Variants in CGNL1 observed in about 807,000 individuals in gnomAD.
CGNL1 encodes the protein cingulin-like protein 1.
In CGNL1, 132 loss-of-function variants were observed where a neutral mutation model predicts 141.2. That is an observed-to-expected ratio of 0.93 (90% CI 0.81 to 1.08). CGNL1 has a LOEUF of 1.08. Among genes scored for constraint, CGNL1 ranks in the 50% least tolerant of loss-of-function variants. The pLI is 0.00. For synonymous variants in CGNL1, 690 were observed against 622.1 expected, an observed-to-expected ratio of 1.11 and a Z score of -1.63; for missense variants, 1,870 against 1,588.6, an observed-to-expected ratio of 1.18 and a Z score of -3.01.
chr15:57,469,210 G>T (rs143713662), intron 8 of CGNL1, among the ~76,000 whole-genome samples: 8 of 151,980 alleles, frequency 5.3e-5, no homozygotes, highest in Non-Finnish European at 1.2e-4. Context: ...ATGAATTGGG[G>T]TGAGGAGGAA....
rs529619536 is a variant in CGNL1, at chr15:57,405,706, A to G, written c.-16+29139A>G. On this transcript the variant is annotated intron_variant, in intron 1 of 18. Transcript: ENST00000281282. ...AGCCTTTCCCCAGGGCTCTAAGAAG[A>G]TAGAAAAACTCGCAGAAGGTGTGGA... Among the ~76,000 whole-genome samples, 3 of 152,210 alleles carry G rather than the reference A, an allele frequency of 2.0e-5. No individual in the cohort carries two copies. In the South Asian group the frequency reaches 6.2e-4, roughly 32 times the overall value.
At chr15:57,526,757 C>T (rs2031639008) in intron 12 of CGNL1, among the ~76,000 whole-genome samples, 1 of 152,176 alleles carries the variant, frequency 6.6e-6, no homozygotes. Context: ...GCTAGTTAAT[C>T]TCTTCTGCCG....
At chr15:57,539,693 G>T (rs908058250) in intron 14 of CGNL1, among the ~76,000 whole-genome samples, 1 of 152,242 alleles carries the variant, frequency 6.6e-6, no homozygotes, top group Non-Finnish European at 1.5e-5. Context: ...TTTACCGGCA[G>T]TCCTTGCCCT....
Position 57,424,929 on chromosome 15 carries a change from T to C in CGNL1, c.-15-13056T>C, listed in dbSNP as rs188255564. On this transcript the variant is annotated intron_variant, in intron 1 of 18. Transcript: ENST00000281282. ...TTAATGTTGTGAATTGGAATTATATTGGCTTTGTAATTGCATTTGTATTTA... is the reference window on the plus strand; with the variant it reads ...TTAATGTTGTGAATTGGAATTATATCGGCTTTGTAATTGCATTTGTATTTA... Among the ~76,000 whole-genome samples, 566 of 152,370 alleles carry C rather than the reference T, an allele frequency of 3.7e-3. 4 individuals are homozygous for C. The highest frequency in any genetic ancestry group is 6.1e-3 in the Non-Finnish European group (414 of 68,048).
At chr15:57,462,195 T>C (rs1426905075) in intron 8 of CGNL1, among the ~76,000 whole-genome samples, 1 of 152,166 alleles carries the variant, frequency 6.6e-6, no homozygotes, top group Non-Finnish European at 1.5e-5. Context: ...AGGGATGTAC[T>C]CTCCCAGGCG....
chr15:57,483,189 G>C (rs1430710555), intron 8 of CGNL1, among the ~76,000 whole-genome samples: 1 of 152,138 alleles, frequency 6.6e-6, no homozygotes, highest in Non-Finnish European at 1.5e-5. Context: ...TCCAGTCCAT[G>C]AACATGGTCT....
At chr15:57,458,628 A>AC (rs2152330020) in intron 7 of CGNL1, among the ~76,000 whole-genome samples, 1 of 152,306 alleles carries the variant, frequency 6.6e-6, no homozygotes, top group African/African-American at 2.4e-5. Context: ...AAAGCAGGAA[A>AC]CAGGGGTCAG....
At chr15:57,489,588 A>G (rs1186244872) in intron 8 of CGNL1, among the ~76,000 whole-genome samples, 2 of 152,216 alleles carry the variant, frequency 1.3e-5, no homozygotes, top group African/African-American at 4.8e-5. Flanking sequence ...TAAATTTTGA[A>G]CATAGTATGA....
At chr15:57,472,133 G>C (rs1203261507) in intron 8 of CGNL1, among the ~76,000 whole-genome samples, 2 of 152,068 alleles carry the variant, frequency 1.3e-5, no homozygotes, top group Non-Finnish European at 2.9e-5. Context: ...TGAAGTTCAG[G>C]GAGGGAGAAA....
chr15:57,494,968 A>G (rs2152382318), intron 8 of CGNL1, among the ~76,000 whole-genome samples: 1 of 152,238 alleles, frequency 6.6e-6, no homozygotes, highest in African/African-American at 2.4e-5. Flanking sequence ...GGGATTTATC[A>G]CTCATTCCTT....
chr15:57,452,809 G>C (rs1373061887), intron 6 of CGNL1, among the ~76,000 whole-genome samples: 2 of 152,088 alleles, frequency 1.3e-5, no homozygotes, highest in Non-Finnish European at 2.9e-5. Flanking sequence ...CGAAAACCAA[G>C]GTCTAAGAAT....
intron 1 of CGNL1, among the ~76,000 whole-genome samples, chr15:57,435,676 A>C (rs1261277915): frequency 6.6e-6 from 1 of 152,138 alleles, no homozygotes; most frequent in Admixed American, 6.5e-5. Context: ...TAAAAGAATT[A>C]TCACCAAGCA....
rs560379677 is a variant in CGNL1 at position 57,542,145 on chromosome 15, G to A, written c.3292-1551G>A. ...GGGACCCCAGTTCTTGCTCTCCATGGGGGACAGTGAGGAAGGGGTGAGCTT... is the reference window on the plus strand; with the variant it reads ...GGGACCCCAGTTCTTGCTCTCCATGAGGGACAGTGAGGAAGGGGTGAGCTT... On this transcript the variant is annotated intron_variant, in intron 14 of 18. Transcript: ENST00000281282. 8.1e-4 allele frequency among the ~76,000 whole-genome samples: 123 copies of A among 152,308 alleles called. 1 individual carries two copies. Among genetic ancestry groups the A allele is most frequent in the African/African-American group, 2.8e-3 (118 of 41,572 alleles).
intron 4 of CGNL1, among the ~76,000 whole-genome samples, chr15:57,447,195 C>T (rs1443691728): frequency 1.3e-5 from 2 of 152,178 alleles, no homozygotes; most frequent in Admixed American, 6.5e-5. Flanking sequence ...CAGCAGCGTT[C>T]CGTCATTTTT....
At chr15:57,479,443 C>T (rs981011749) in intron 8 of CGNL1, among the ~76,000 whole-genome samples, 3 of 152,126 alleles carry the variant, frequency 2.0e-5, no homozygotes, top group Non-Finnish European at 4.4e-5. Context: ...GCGGGCAGAT[C>T]TCCTGAGGTC....
chr15:57,483,468 C>CTTTT lies in CGNL1; in HGVS notation c.2403+21590_2403+21593dup, dbSNP rs60667956. ...GAAATCACATATTCTACAAAGTTTT[C>CTTTT]TTTTTTTTTTTTTTTTTGTGACAGG... On this transcript the variant is annotated intron_variant, in intron 8 of 18. Transcript: ENST00000281282. 1.2e-3 allele frequency among the ~76,000 whole-genome samples: 153 copies of CTTTT among 127,802 alleles called. 3 individuals are homozygous for CTTTT. Among genetic ancestry groups the CTTTT allele is most frequent in the Middle Eastern group, 4.5e-3 (1 of 220 alleles). The allele number at this position is 127,802 out of a possible 152,430, so 83.8% of individuals were successfully genotyped here.
chr15:57,405,682 G>A (rs755425506), intron 1 of CGNL1, among the ~76,000 whole-genome samples: 26 of 152,298 alleles, frequency 1.7e-4, no homozygotes, highest in Middle Eastern at 3.4e-3. Flanking sequence ...CAGACTCTGA[G>A]CCTTTCCCCA....
At chr15:57,383,008 T>A (rs2458107) in intron 1 of CGNL1, among the ~76,000 whole-genome samples, 1 of 152,242 alleles carries the variant, frequency 6.6e-6, no homozygotes, top group South Asian at 2.1e-4. Context: ...TAAAAAAGGT[T>A]TGATTCCCCA....
At chr15:57,462,188 G>A (rs2152333724) in intron 8 of CGNL1, among the ~76,000 whole-genome samples, 1 of 152,296 alleles carries the variant, frequency 6.6e-6, no homozygotes, top group Non-Finnish European at 1.5e-5. Context: ...AGAGTGGAGG[G>A]ATGTACTCTC....
Sources: gnomAD v4.1 joint callset for allele counts (sites outside exome capture counted in the v4.1 genomes callset) on GRCh38, gnomAD v4.1.1 for gene constraint, MANE v1.5 for transcripts, NCBI Gene and HGNC (gene_info 2026-07-23, HGNC 2026-07-21) for gene names.